Variants in CSE1L observed in about 807,000 individuals in gnomAD.
CSE1L encodes the protein exportin-2.
In CSE1L, 24 loss-of-function variants were observed where a neutral mutation model predicts 120.4. The ratio of observed to expected loss-of-function variants is 0.20; its 90% CI spans 0.14 to 0.28. The LOEUF (loss-of-function observed/expected upper bound fraction) is 0.28. Among genes scored for constraint, CSE1L ranks in the 10% least tolerant of loss-of-function variants. The pLI is 1.00. For synonymous variants in CSE1L, 402 were observed against 398.3 expected (o/e 1.01, Z -0.11); for missense variants, 830 against 1,145.2 (o/e 0.72, Z 3.97).
rs548706793 is a variant in CSE1L at position 49,071,556 on chromosome 20, T to A, written c.769-730T>A. Among the ~76,000 whole-genome samples, 286 of 152,266 alleles carry A rather than the reference T, an allele frequency of 1.9e-3. 3 individuals are homozygous for A. The highest frequency in any genetic ancestry group is 6.0e-3 in the African/African-American group (249 of 41,558). On this transcript the variant is annotated intron_variant, in intron 8 of 24. Transcript: ENST00000262982. ...TGGAGTGCAGTGGCATGATCATGAC[T>A]TACTGCAGCTTCGACCTCCCTGGGC...
rs967738416 is a variant in CSE1L at position 49,072,785 on chromosome 20, G to A, written c.1066+88G>A. 4.9e-6 allele frequency: 6 copies of A among 1,232,974 alleles called. No homozygotes were observed. In the East Asian group the frequency reaches 1.6e-4, roughly 32 times the overall value. 76.4% of individuals were successfully genotyped at this position (1,232,974 alleles called of 1,614,324 possible). A position where few individuals can be genotyped will look rare whatever the true frequency, so the allele number is the denominator to read the frequency against. ...ATTCAGTCTAATTCATTTATTACTGGATAAAACTTGTATGTCATTTATTTC... is the reference window on the plus strand; with the variant it reads ...ATTCAGTCTAATTCATTTATTACTGAATAAAACTTGTATGTCATTTATTTC... On this transcript the variant is annotated intron_variant, in intron 10 of 24. Coordinates refer to ENST00000262982, the MANE Select transcript of CSE1L (RefSeq NM_001316.4).
chr20:49,049,847 T>C lies in CSE1L; in HGVS notation c.-12+3424T>C, dbSNP rs7272933. On this transcript the variant is annotated intron_variant, in intron 1 of 24. Coordinates refer to ENST00000262982, the MANE Select transcript of CSE1L (RefSeq NM_001316.4). ...AGTTCCAGACCAGCCTGGGCAACAC[T>C]GGAACCATGTCTACAGAAACAACAC... Among the ~76,000 whole-genome samples, 1,163 of 152,278 alleles carry C rather than the reference T, an allele frequency of 7.6e-3. 15 individuals carry two copies. Among genetic ancestry groups the C allele is most frequent in the African/African-American group, 0.026 (1,069 of 41,552 alleles).
In CSE1L at chr20:49,068,809, G is replaced by A. The variant is rs767560699; in HGVS notation, c.662G>A (p.Ser221Asn). 2 of 1,605,990 alleles carry A rather than the reference G, an allele frequency of 1.2e-6. No individual in the cohort carries two copies. The highest frequency in any genetic ancestry group is 1.7e-6 in the Non-Finnish European group (2 of 1,172,566). The change falls in exon 7 of 25, where the codon AGT becomes AAT. Residue 221 changes from serine to asparagine, a missense_variant. Physicochemically the swap from Ser to Asn is conservative, Grantham distance 46. Transcript: ENST00000262982. ...ATCCTGATCTCAAAATTGTTCTATA[G>A]TTTAAACTTTCAGGTAAGTTCATTT... is the stretch of plus-strand genomic sequence containing the variant. ...SLILISKLFY[S>N]LNFQDLPEFF...
At chr20:49,073,294 T>A (rs2091945743) in intron 10 of CSE1L, among the ~76,000 whole-genome samples, 1 of 152,228 alleles carries the variant, frequency 6.6e-6, no homozygotes, top group Non-Finnish European at 1.5e-5. Flanking sequence ...ATTGCATTTC[T>A]GAGCCACCTC....
intron 16 of CSE1L, among the ~76,000 whole-genome samples, chr20:49,086,351 T>C (rs2092057405): frequency 6.9e-6 from 1 of 145,824 alleles, no homozygotes; most frequent in African/African-American, 2.6e-5. Context: ...TTATTGTTGT[T>C]TAATGTCCTT....
intron 8 of CSE1L, among the ~76,000 whole-genome samples, chr20:49,071,329 A>G (rs992932411): frequency 2.6e-5 from 4 of 152,220 alleles, no homozygotes; most frequent in Non-Finnish European, 5.9e-5. Context: ...ACTCCTTCAG[A>G]AAACAAAACT....
intron 1 of CSE1L, among the ~76,000 whole-genome samples, chr20:49,047,643 C>T (rs1326689561): frequency 7.9e-6 from 1 of 127,246 alleles, no homozygotes; most frequent in Admixed American, 9.5e-5. Context: ...GTGGCGCGAT[C>T]TCGACTCACT....
At chr20:49,094,026 A>C (rs1275724257) in intron 22 of CSE1L, 114 bp from the exon 23 acceptor site, 3 of 662,900 alleles carry the variant, frequency 4.5e-6, no homozygotes, top group Non-Finnish European at 7.4e-6. Flanking sequence ...CAAAAACAGC[A>C]GTCTTGTTAT....
chr20:49,047,592 TGA>T (rs1193997836), intron 1 of CSE1L, among the ~76,000 whole-genome samples: 3 of 114,968 alleles, frequency 2.6e-5, no homozygotes, highest in Admixed American at 2.2e-4. Flanking sequence ...TTTTTTTTTT[TGA>T]GAGAGAGAGT....
At position 49,058,273 on chromosome 20, in the gene CSE1L, G is replaced by T. The variant is rs530924710; in HGVS notation, c.-11-180G>T. ...CAAAATTGTCTCACTATTGTTTTTG[G>T]GGGAAAAGGCACATCTCATTTGCTG... is the stretch of plus-strand genomic sequence containing the variant. On this transcript the variant is annotated intron_variant, in intron 1 of 24. Transcript: ENST00000262982. 1.5e-4 allele frequency among the ~76,000 whole-genome samples: 23 copies of T among 151,814 alleles called. No individual in the cohort carries two copies. In the South Asian group the frequency reaches 4.4e-3, roughly 29 times the overall value.
intron 1 of CSE1L, among the ~76,000 whole-genome samples, chr20:49,048,495 A>T (rs545087873): frequency 6.6e-6 from 1 of 152,266 alleles, no homozygotes; most frequent in South Asian, 2.1e-4. Flanking sequence ...ATAGTGACAG[A>T]ATTATGTGAC....
intron 2 of CSE1L, among the ~76,000 whole-genome samples, chr20:49,061,003 A>G (rs1034860919): frequency 6.6e-6 from 1 of 152,034 alleles, no homozygotes; most frequent in African/African-American, 2.4e-5. Context: ...TGAACATGTT[A>G]ATGCATCTAT....
chr20:49,047,190 A>G lies in CSE1L; in HGVS notation c.-12+767A>G, dbSNP rs549414124. ...GACGTAGCCTCTCGTTAGGGGTGTA[A>G]CTTGAGGCTGGTCACCTCATCTCAC... On this transcript the variant is annotated intron_variant, in intron 1 of 24. Coordinates refer to ENST00000262982, the MANE Select transcript of CSE1L (RefSeq NM_001316.4). Among the ~76,000 whole-genome samples, 6 of 152,184 alleles carry G rather than the reference A, an allele frequency of 3.9e-5. No homozygotes were observed. The East Asian group carries it at 1.2e-3, about 29-fold the overall frequency.
At chr20:49,071,110 A>G (rs1046224124) in intron 8 of CSE1L, among the ~76,000 whole-genome samples, 1 of 152,244 alleles carries the variant, frequency 6.6e-6, no homozygotes, top group Admixed American at 6.5e-5. Context: ...CGAAGAGACA[A>G]AAGACAAAAT....
At chr20:49,052,805 G>A (rs2091777922) in intron 1 of CSE1L, among the ~76,000 whole-genome samples, 1 of 152,126 alleles carries the variant, frequency 6.6e-6, no homozygotes, top group Non-Finnish European at 1.5e-5. Context: ...AGCCCAGGCT[G>A]GTCTGAAGCC....
chr20:49,085,206 A>C, intron 15 of CSE1L, 77 bp from the exon 16 acceptor site: 2 of 1,011,400 alleles, frequency 2.0e-6, no homozygotes, highest in South Asian at 1.3e-5. Flanking sequence ...GAAGGGTGAC[A>C]TAGTGGTTGC....
rs1054514583 is a variant in CSE1L, at chr20:49,092,059, T to C, written c.2379T>C (p.Phe793=). ...TTCTTTCAACAGGTTTTTTAGTCTT[T>C]ATTAATTTGTATTGCATAAAATATG... ...TTKFIKSFLV[F]INLYCIKYGA... is the part of the protein sequence containing the mutation. The change falls in exon 22 of 25, where the codon TTT becomes TTC. Residue 793 remains phenylalanine, a synonymous_variant. Coordinates refer to ENST00000262982, the MANE Select transcript of CSE1L (RefSeq NM_001316.4). 2.6e-6 allele frequency: 4 copies of C among 1,564,324 alleles called. No homozygotes were observed. The highest frequency in any genetic ancestry group is 3.5e-6 in the Non-Finnish European group (4 of 1,139,984).
chr20:49,075,724 C>A (rs188063014), intron 12 of CSE1L, among the ~76,000 whole-genome samples: 1 of 152,258 alleles, frequency 6.6e-6, no homozygotes, highest in South Asian at 2.1e-4. Context: ...GATAGATGGC[C>A]ACACTTGTTA....
At chr20:49,093,709 G>A (rs1237234297) in intron 22 of CSE1L, among the ~76,000 whole-genome samples, 1 of 151,668 alleles carries the variant, frequency 6.6e-6, no homozygotes, top group African/African-American at 2.4e-5. Context: ...CTGAGGTCAG[G>A]AGTTCGAGAT....
Sources: gnomAD v4.1 joint callset for allele counts (sites outside exome capture counted in the v4.1 genomes callset) on GRCh38, gnomAD v4.1.1 for gene constraint, MANE v1.5 for transcripts, NCBI Gene and HGNC (gene_info 2026-07-23, HGNC 2026-07-21) for gene names.